The following PARD3B variants were observed in gnomAD, a reference collection of about 807,000 sequenced individuals.
PARD3B encodes partitioning defective 3 homolog B.
Under a neutral mutation model 130.2 loss-of-function variants are expected in PARD3B, and 103 were observed. The observed-to-expected ratio is 0.79, with a 90% CI of 0.67 to 0.93. The LOEUF is 0.93. Ranked by LOEUF, PARD3B falls within the 40% of genes least tolerant of loss-of-function variation. The pLI, the probability that PARD3B is intolerant of heterozygous loss-of-function variation, is 0.00. For synonymous variants in PARD3B, 583 were observed against 553.2 expected, an observed-to-expected ratio of 1.05 and a Z score of -0.76; for missense variants, 1,609 against 1,499.2, an observed-to-expected ratio of 1.07 and a Z score of -1.21.
chr2:205,069,957 C>A (rs988790394), intron 4 of PARD3B, among the ~76,000 whole-genome samples: 1 of 152,156 alleles, frequency 6.6e-6, no homozygotes, highest in Admixed American at 6.6e-5. Context: ...GTAAGAGTAA[C>A]AGTTTGTGTG....
At chr2:204,885,777 A>T (rs951975512) in intron 2 of PARD3B, among the ~76,000 whole-genome samples, 1 of 152,190 alleles carries the variant, frequency 6.6e-6, no homozygotes, top group Non-Finnish European at 1.5e-5. Flanking sequence ...TTTCAAAGTT[A>T]AATGGTGATA....
intron 12 of PARD3B, among the ~76,000 whole-genome samples, chr2:205,174,448 T>C (rs1001201268): frequency 2.0e-5 from 3 of 152,198 alleles, no homozygotes; most frequent in Admixed American, 6.5e-5. Context: ...TTAAAGAGCA[T>C]TGTTTCTTAT....
chr2:204,985,873 G>A (rs1258796932), intron 3 of PARD3B, among the ~76,000 whole-genome samples: 2 of 152,042 alleles, frequency 1.3e-5, no homozygotes, highest in Non-Finnish European at 2.9e-5. Flanking sequence ...GGCCGAGGTG[G>A]GTGGATTGCC....
At chr2:205,173,653 C>T (rs6435275) in intron 12 of PARD3B, among the ~76,000 whole-genome samples, 113,398 of 152,100 alleles carry the variant, frequency 0.75, 42,622 homozygotes, top group African/African-American at 0.78. Flanking sequence ...TATAAGCTCG[C>T]AGATGTTAAA....
chr2:205,391,052 A>G (rs909691214), intron 18 of PARD3B, among the ~76,000 whole-genome samples: 1 of 152,200 alleles, frequency 6.6e-6, no homozygotes, highest in Non-Finnish European at 1.5e-5. Context: ...TTCCTTCTGC[A>G]GGATGAATCT....
At position 205,506,287 on chromosome 2, in the gene PARD3B, C is replaced by G. The variant is rs188367745; in HGVS notation, c.3180+6256C>G. 3.0e-4 allele frequency among the ~76,000 whole-genome samples: 46 copies of G among 152,192 alleles called. 1 individual carries two copies. The East Asian group carries it at 5.6e-3, about 19-fold the overall frequency. On this transcript the variant is annotated intron_variant, in intron 21 of 22. Coordinates refer to ENST00000406610, the MANE Select transcript of PARD3B (RefSeq NM_001302769.2). The stretch of plus-strand genomic sequence containing the variant: ...GGCGGAAGTTGCAGTGAGCTGAGAT[C>G]GCACCACTGCCCTCTAGCCTGGTGA...
intron 3 of PARD3B, among the ~76,000 whole-genome samples, chr2:204,970,957 G>C (rs1201735114): frequency 1.3e-5 from 2 of 152,120 alleles, no homozygotes; most frequent in Admixed American, 1.3e-4. Flanking sequence ...ATGTGTGTTT[G>C]TGATTCTTCA....
At chr2:205,008,814 A>C (rs1695484093) in intron 3 of PARD3B, among the ~76,000 whole-genome samples, 1 of 152,206 alleles carries the variant, frequency 6.6e-6, no homozygotes, top group East Asian at 1.9e-4. Flanking sequence ...CTCATTTTAG[A>C]GATGACAATC....
At chr2:205,324,533 A>G (rs1479468922) in intron 18 of PARD3B, among the ~76,000 whole-genome samples, 2 of 152,198 alleles carry the variant, frequency 1.3e-5, no homozygotes, top group Non-Finnish European at 1.5e-5. Flanking sequence ...GCAGGTTAAT[A>G]TATCAACTTT....
In PARD3B at chr2:205,265,996, A is replaced by G. The variant is rs920662909; in HGVS notation, c.2185+20174A>G. Among the ~76,000 whole-genome samples, 6 of 152,118 alleles carry G rather than the reference A, an allele frequency of 3.9e-5. No homozygotes were observed. Among genetic ancestry groups the G allele is most frequent in the Admixed American group, 1.3e-4 (2 of 15,258 alleles). ...TAAGGCATCAGTCAGAAGACTCATT[A>G]GAAACATCATACTAAAAAGTTAAAA... On this transcript the variant is annotated intron_variant, in intron 16 of 22. Coordinates refer to ENST00000406610, the MANE Select transcript of PARD3B (RefSeq NM_001302769.2). This position sits in a 1 kb window ranked among gnomAD's most constrained non-coding sequence, Gnocchi z 4.3.
chr2:205,310,957 C>T (rs2042367369), intron 18 of PARD3B, among the ~76,000 whole-genome samples: 1 of 151,864 alleles, frequency 6.6e-6, no homozygotes, highest in Admixed American at 6.6e-5. Flanking sequence ...TTCCTGACCT[C>T]GTGATCTGCC....
intron 2 of PARD3B, among the ~76,000 whole-genome samples, chr2:204,961,499 T>A (rs1690743592): frequency 6.6e-6 from 1 of 152,106 alleles, no homozygotes; most frequent in Non-Finnish European, 1.5e-5. Flanking sequence ...CTTTTTCCAT[T>A]TTTGACATGT....
chr2:204,605,387 A>C (rs186055590), intron 1 of PARD3B, among the ~76,000 whole-genome samples: 1 of 152,282 alleles, frequency 6.6e-6, no homozygotes, highest in East Asian at 1.9e-4. Flanking sequence ...ATAAGGGCTC[A>C]TTGTCTTTCA....
intron 20 of PARD3B, among the ~76,000 whole-genome samples, chr2:205,486,093 A>T (rs1222526348): frequency 6.6e-6 from 1 of 152,210 alleles, no homozygotes; most frequent in Non-Finnish European, 1.5e-5. Context: ...ATAAATGTAC[A>T]CATCAGAAAT....
At chr2:205,455,512 A>T (rs1372970516) in intron 20 of PARD3B, among the ~76,000 whole-genome samples, 1 of 152,068 alleles carries the variant, frequency 6.6e-6, no homozygotes, top group Non-Finnish European at 1.5e-5. Context: ...GTAGGGAATT[A>T]CAAAATGTTC....
chr2:205,079,706 A>G (rs1311420640), intron 4 of PARD3B, among the ~76,000 whole-genome samples: 1 of 152,140 alleles, frequency 6.6e-6, no homozygotes, highest in African/African-American at 2.4e-5. Flanking sequence ...AATTAGTAAT[A>G]TATTATTCTA....
chr2:204,746,846 T>A lies in PARD3B; in HGVS notation c.222+60564T>A, dbSNP rs993183985. Among the ~76,000 whole-genome samples the A allele has an allele frequency of 7.9e-5, 12 of 152,196 alleles. No homozygotes were observed. In the South Asian group the frequency reaches 1.0e-3, roughly 13 times the overall value. On this transcript the variant is annotated intron_variant, in intron 2 of 22. Transcript: ENST00000406610. ...TGGGGTTGTTTTTTTCTTGTAAATT[T>A]GTTTGAGTTCTTTGTAGATTCTGGA...
At chr2:205,029,965 G>A (rs374764419) in intron 3 of PARD3B, among the ~76,000 whole-genome samples, 1 of 152,024 alleles carries the variant, frequency 6.6e-6, no homozygotes, top group African/African-American at 2.4e-5. Flanking sequence ...TATTTTTCCC[G>A]CCAAACTCTT....
At chr2:205,056,914 C>CACATATAT (rs1553605556) in intron 4 of PARD3B, among the ~76,000 whole-genome samples, 4 of 124,670 alleles carry the variant, frequency 3.2e-5, no homozygotes, top group African/African-American at 1.1e-4. Flanking sequence ...CACACACACA[C>CACATATAT]ATATATATAT....
Sources: allele counts gnomAD v4.1 joint callset (sites outside exome capture counted in the v4.1 genomes callset), GRCh38; gene constraint gnomAD v4.1.1; non-coding constraint Gnocchi (gnomAD v3.1); transcripts MANE v1.5; gene names NCBI Gene and HGNC (gene_info 2026-07-23, HGNC 2026-07-21).